DAB2IP: variants seen among roughly 807,000 people sequenced by gnomAD.
DAB2IP encodes disabled homolog 2-interacting protein.
A neutral mutation model predicts 107.2 loss-of-function variants in DAB2IP; 28 were observed. The observed-to-expected ratio is 0.26, with a 90% CI of 0.19 to 0.36. DAB2IP has a LOEUF of 0.36. DAB2IP is among the 10% of genes least tolerant of loss of function. DAB2IP has a pLI of 1.00. For missense variants in DAB2IP, 1,400 were observed against 1,644.7 expected, an observed-to-expected ratio of 0.85 and a Z score of 2.57; for synonymous variants, 755 against 706.4, an observed-to-expected ratio of 1.07 and a Z score of -1.09.
chr9:121,730,120 C>T (rs1203305007), intron 3 of DAB2IP, among the ~76,000 whole-genome samples: 1 of 152,180 alleles, frequency 6.6e-6, no homozygotes, highest in East Asian at 1.9e-4. Flanking sequence ...GCCTCCCAGC[C>T]ATGTCCAACC....
chr9:121,618,552 G>T (rs1754857106), intron 1 of DAB2IP, among the ~76,000 whole-genome samples: 4 of 152,124 alleles, frequency 2.6e-5, no homozygotes, highest in African/African-American at 9.7e-5. Flanking sequence ...GTAGAGAGAG[G>T]GTTTCGCCAT....
chr9:121,762,424 C>A (rs974696190), intron 6 of DAB2IP, among the ~76,000 whole-genome samples: 4 of 152,146 alleles, frequency 2.6e-5, no homozygotes, highest in Non-Finnish European at 4.4e-5. Context: ...GAATGAGACC[C>A]TGGAGGTCGC....
chr9:121,596,339 T>C (rs1369529383), intron 1 of DAB2IP, among the ~76,000 whole-genome samples: 1 of 151,464 alleles, frequency 6.6e-6, no homozygotes, highest in Non-Finnish European at 1.5e-5. Flanking sequence ...CTCAAAAAAA[T>C]AAAAAACAAA....
At chr9:121,583,746 G>T (rs1021643550) in intron 1 of DAB2IP, among the ~76,000 whole-genome samples, 2 of 152,174 alleles carry the variant, frequency 1.3e-5, no homozygotes, top group Non-Finnish European at 2.9e-5. Flanking sequence ...GTCTCTAAGA[G>T]CCCCAAGAGC....
intron 1 of DAB2IP, among the ~76,000 whole-genome samples, chr9:121,641,765 AGCCTGCCT>A (rs76810093): frequency 0.3 from 45,654 of 150,746 alleles, 7,411 homozygotes; most frequent in South Asian, 0.49. Context: ...TCCCACAGCC[AGCCTGCCT>A]GCCTGCCTGC....
intron 3 of DAB2IP, among the ~76,000 whole-genome samples, chr9:121,714,424 C>T (rs1830487021): frequency 6.6e-6 from 1 of 152,200 alleles, no homozygotes; most frequent in African/African-American, 2.4e-5. Flanking sequence ...TCTGCAGAGC[C>T]ATGCAAGGCC....
intron 1 of DAB2IP, among the ~76,000 whole-genome samples, chr9:121,575,664 C>T (rs1321338964): frequency 6.6e-6 from 1 of 152,050 alleles, no homozygotes. Context: ...CCAGTGTGTC[C>T]CCAGCTTCCC....
intron 1 of DAB2IP, among the ~76,000 whole-genome samples, chr9:121,620,934 C>T (rs901670675): frequency 2.6e-5 from 4 of 152,192 alleles, no homozygotes; most frequent in South Asian, 2.1e-4. Flanking sequence ...GCACATCAAC[C>T]AATCCAACAT....
rs770516448 is a variant in DAB2IP at position 121,776,156 on chromosome 9, G to A, written c.3121-42G>A. 6.3e-5 allele frequency: 97 copies of A among 1,551,260 alleles called. No individual in the cohort carries two copies. Among genetic ancestry groups the A allele is most frequent in the Non-Finnish European group, 7.8e-5 (90 of 1,147,368 alleles). ...TCGGGCTGACGAAGCTGTGCTCTCT[G>A]TGTCCTGGGTGCTGTGCCCGTGGAC... On this transcript the variant is annotated intron_variant, in intron 13 of 15. Transcript: ENST00000408936. This position sits in a 1 kb window ranked among gnomAD's most constrained non-coding sequence, Gnocchi z 5.4.
chr9:121,781,607 G>GT, intron 15 of DAB2IP, 56 bp downstream of exon 15: 2 of 1,520,702 alleles, frequency 1.3e-6, no homozygotes, highest in Non-Finnish European at 8.9e-7. Context: ...GGGATTAGGA[G>GT]GGGTGACTAG....
intron 3 of DAB2IP, among the ~76,000 whole-genome samples, chr9:121,719,948 T>C (rs1395670738): frequency 2.0e-5 from 3 of 152,218 alleles, no homozygotes. Flanking sequence ...TAAGAGAGTG[T>C]ATGGCCCACA....
At chr9:121,731,600 T>C (rs746860641) in intron 3 of DAB2IP, among the ~76,000 whole-genome samples, 4 of 152,208 alleles carry the variant, frequency 2.6e-5, no homozygotes, top group Non-Finnish European at 5.9e-5. Flanking sequence ...AGCTTCTTGC[T>C]GCAGAGTGCT....
At chr9:121,678,163 C>G (rs1160608806) in intron 1 of DAB2IP, among the ~76,000 whole-genome samples, 2 of 152,244 alleles carry the variant, frequency 1.3e-5, no homozygotes, top group African/African-American at 4.8e-5. Context: ...GTTCCCCTCT[C>G]TCATCAGCCT....
intron 1 of DAB2IP, among the ~76,000 whole-genome samples, chr9:121,579,067 A>G (rs552880030): frequency 5.3e-4 from 80 of 152,172 alleles, no homozygotes; most frequent in Non-Finnish European, 9.4e-4. Context: ...AGGTCAGGGC[A>G]GGGTCCCTGG....
chr9:121,652,700 G>A (rs1832802624), intron 1 of DAB2IP, among the ~76,000 whole-genome samples: 1 of 152,162 alleles, frequency 6.6e-6, no homozygotes, highest in African/African-American at 2.4e-5. Context: ...CCTGGGCCGA[G>A]TTGACACCAT....
chr9:121,588,862 C>A (rs910254772), intron 1 of DAB2IP, among the ~76,000 whole-genome samples: 9 of 151,728 alleles, frequency 5.9e-5, no homozygotes, highest in South Asian at 2.1e-4. Flanking sequence ...GCAGAGGCAA[C>A]CCCCAAGAGC....
At chr9:121,625,639 G>T (rs1236538165) in intron 1 of DAB2IP, among the ~76,000 whole-genome samples, 1 of 150,570 alleles carries the variant, frequency 6.6e-6, no homozygotes, top group East Asian at 1.9e-4. Context: ...GGGCTGATGG[G>T]ATGGCAGGAT....
chr9:121,768,012 A>C (rs1465910253), intron 9 of DAB2IP, among the ~76,000 whole-genome samples: 1 of 152,008 alleles, frequency 6.6e-6, no homozygotes, highest in East Asian at 1.9e-4. Context: ...GGTGTTGATG[A>C]TGACTTCAGG....
intron 1 of DAB2IP, among the ~76,000 whole-genome samples, chr9:121,606,036 A>G (rs1830859107): frequency 6.6e-6 from 1 of 152,144 alleles, no homozygotes; most frequent in African/African-American, 2.4e-5. Context: ...GAAAGAAAAA[A>G]ATGAGGACCA....
Sources: allele counts gnomAD v4.1 joint callset (sites outside exome capture counted in the v4.1 genomes callset), GRCh38; gene constraint gnomAD v4.1.1; non-coding constraint Gnocchi (gnomAD v3.1); transcripts MANE v1.5; gene names NCBI Gene and HGNC (gene_info 2026-07-23, HGNC 2026-07-21).